The following SPATA13 variants were observed in gnomAD, a reference collection of about 807,000 sequenced individuals.
SPATA13 encodes spermatogenesis-associated protein 13.
In SPATA13, 50 loss-of-function variants were observed where a neutral mutation model predicts 104.0. The observed-to-expected ratio is 0.48, with a 90% confidence interval of 0.38 to 0.61. The LOEUF (loss-of-function observed/expected upper bound fraction) is 0.61. SPATA13 is among the 20% of genes least tolerant of loss of function. SPATA13 has a pLI of 0.00. For missense variants in SPATA13, 1,524 were observed against 1,690.6 expected, an observed-to-expected ratio of 0.90 and a Z score of 1.73; for synonymous variants, 606 against 667.5, an observed-to-expected ratio of 0.91 and a Z score of 1.42.
At chr13:24,059,893 G>A (rs558998635) in intron 3 of SPATA13, among the ~76,000 whole-genome samples, 1 of 152,354 alleles carries the variant, frequency 6.6e-6, no homozygotes, top group African/African-American at 2.4e-5. Context: ...TTGAATAGGA[G>A]TGGTAAGAGG....
chr13:23,987,184 G>T (rs1294464752), intron 2 of SPATA13, among the ~76,000 whole-genome samples: 1 of 152,076 alleles, frequency 6.6e-6, no homozygotes, highest in Non-Finnish European at 1.5e-5. Context: ...TTATGGGATG[G>T]ATAATCTTGG....
chr13:24,292,484 CA>C (rs1876461611), intron 9 of SPATA13, among the ~76,000 whole-genome samples: 1 of 152,206 alleles, frequency 6.6e-6, no homozygotes, highest in Non-Finnish European at 1.5e-5. Flanking sequence ...ATGCCCCTGA[CA>C]CAAAGTCTTT....
intron 3 of SPATA13, among the ~76,000 whole-genome samples, chr13:24,141,657 G>A (rs966404152): frequency 3.3e-5 from 5 of 152,198 alleles, no homozygotes; most frequent in African/African-American, 1.2e-4. Flanking sequence ...CATCCTTGCA[G>A]CCCAGCGCCT....
At chr13:24,181,757 T>G (rs1301087115) in intron 1 of SPATA13, among the ~76,000 whole-genome samples, 1 of 59,980 alleles carries the variant, frequency 1.7e-5, no homozygotes, top group African/African-American at 4.3e-5. Flanking sequence ...TGTTTTACAG[T>G]TGACTTTTTT....
rs1000164527 is a variant in SPATA13, at chr13:24,303,941, T to A, written c.*1168T>A. 2.6e-5 allele frequency: 4 copies of A among 152,188 alleles called. No individual in the cohort carries two copies. Among genetic ancestry groups the A allele is most frequent in the Non-Finnish European group, 4.4e-5 (3 of 68,052 alleles). The allele number at this position is 152,188 out of a possible 1,614,324, so 9.4% of individuals were successfully genotyped here. ...CAAAAACAAAAAACATTCAAACAAC[T>A]GTTTGCAATATAAAAAGCTCATTTA... On this transcript the variant is annotated 3_prime_UTR_variant, in exon 13 of 13. Transcript: ENST00000382108.
chr13:24,190,275 T>G (rs71425115), intron 1 of SPATA13, among the ~76,000 whole-genome samples: 493 of 3,970 alleles, frequency 0.12, 180 homozygotes, highest in African/African-American at 0.25. Context: ...TATATATTAT[T>G]ATATATAATA....
intron 2 of SPATA13, among the ~76,000 whole-genome samples, chr13:24,247,805 C>T (rs1225683056): frequency 6.6e-6 from 1 of 152,126 alleles, no homozygotes; most frequent in African/African-American, 2.4e-5. Context: ...CTTCATGGCA[C>T]GTGGCCTCAG....
chr13:24,029,934 G>T (rs531882300), intron 3 of SPATA13, among the ~76,000 whole-genome samples: 3 of 152,092 alleles, frequency 2.0e-5, no homozygotes, highest in Non-Finnish European at 4.4e-5. Flanking sequence ...CTCCATCCAT[G>T]TTCATGCAAA....
At chr13:24,292,548 A>G (rs1876467213) in intron 9 of SPATA13, among the ~76,000 whole-genome samples, 1 of 152,286 alleles carries the variant, frequency 6.6e-6, no homozygotes, top group South Asian at 2.1e-4. Context: ...TAATGAGAAG[A>G]GGAAGAGGGA....
At chr13:24,263,523 C>G (rs370904835) in intron 4 of SPATA13, among the ~76,000 whole-genome samples, 1 of 152,148 alleles carries the variant, frequency 6.6e-6, no homozygotes, top group Non-Finnish European at 1.5e-5. Flanking sequence ...TGCAAAAGTC[C>G]CTGATATAAA....
chr13:24,041,553 G>A (rs543546056), intron 3 of SPATA13, among the ~76,000 whole-genome samples: 4 of 152,240 alleles, frequency 2.6e-5, no homozygotes, highest in South Asian at 2.1e-4. Flanking sequence ...AAGGTTAAAC[G>A]ATGTTGGAAG....
intron 3 of SPATA13, chr13:24,122,802 CGTT>C (rs922833420): frequency 4.9e-5 from 38 of 777,934 alleles, no homozygotes; most frequent in Non-Finnish European, 8.6e-5. Context: ...TGGAGACTCT[CGTT>C]GTCATGTCAA....
Position 24,123,522 on chromosome 13 carries a change from G to A in SPATA13, c.-111-99297G>A, listed in dbSNP as rs1395905929. 5.6e-6 allele frequency: 9 copies of A among 1,611,116 alleles called. No homozygotes were observed. In the Admixed American group the frequency reaches 1.3e-4, roughly 24 times the overall value. On this transcript the variant is annotated intron_variant, in intron 3 of 14. Transcript: ENST00000424834. ...ATGCAGGGCTCCATCTTTTTTTCGAGGGTCAGCATTTGGTTCTGTAAGAAT... is the reference window on the plus strand; with the variant it reads ...ATGCAGGGCTCCATCTTTTTTTCGAAGGTCAGCATTTGGTTCTGTAAGAAT...
At chr13:24,251,636 G>A (rs369707928) in intron 3 of SPATA13, 82 bp from the exon 4 acceptor site, 144 of 1,554,960 alleles carry the variant, frequency 9.3e-5, no homozygotes, top group African/African-American at 9.2e-4. Context: ...TGGCTTCGAG[G>A]TGAGAGCGCT....
chr13:24,106,380 T>A (rs1016197298), intron 3 of SPATA13, among the ~76,000 whole-genome samples: 2 of 152,246 alleles, frequency 1.3e-5, no homozygotes, highest in Non-Finnish European at 2.9e-5. Context: ...ATTTCTCATC[T>A]GTTAGAAACC....
chr13:24,184,248 C>T (rs1242636487), intron 1 of SPATA13, among the ~76,000 whole-genome samples: 1 of 152,184 alleles, frequency 6.6e-6, no homozygotes, highest in Non-Finnish European at 1.5e-5. Context: ...AAATTCCATA[C>T]AGAAAATTCT....
chr13:24,120,198 GA>G (rs566191621), intron 3 of SPATA13, among the ~76,000 whole-genome samples: 26 of 150,280 alleles, frequency 1.7e-4, no homozygotes, highest in Non-Finnish European at 3.3e-4. Context: ...TTCCGCCTCT[GA>G]AAAAAAAATC....
chr13:24,035,020 A>G (rs1219945801), intron 3 of SPATA13: 1 of 152,270 alleles, frequency 6.6e-6, no homozygotes, highest in East Asian at 1.9e-4. Context: ...ATAAAGCTCT[A>G]CATGACACAT....
At chr13:24,148,634 G>A (rs546285162) in intron 3 of SPATA13, among the ~76,000 whole-genome samples, 107 of 152,312 alleles carry the variant, frequency 7.0e-4, no homozygotes, top group Non-Finnish European at 1.3e-3. Flanking sequence ...TTAGTCAGAG[G>A]GAGAACTTGG....
Sources: allele counts gnomAD v4.1 joint callset (sites outside exome capture counted in the v4.1 genomes callset), GRCh38; gene constraint gnomAD v4.1.1; transcripts MANE v1.5; gene names NCBI Gene and HGNC (gene_info 2026-07-23, HGNC 2026-07-21).